ST3GAL3: variants seen among roughly 807,000 people sequenced by gnomAD.
The protein encoded by ST3GAL3 is CMP-N-acetylneuraminate-beta-1,4-galactoside alpha-2,3-sialyltransferase.
ST3GAL3 carries 21 observed loss-of-function variants against 50.1 expected under a neutral mutation model. That is an observed-to-expected ratio of 0.42 (90% confidence interval 0.30 to 0.60). The LOEUF (loss-of-function observed/expected upper bound fraction) is 0.60. ST3GAL3 is among the 20% of genes least tolerant of loss of function. ST3GAL3 has a pLI of 0.19. For missense variants in ST3GAL3, 353 were observed against 489.4 expected (o/e 0.72, Z 2.63); for synonymous variants, 183 against 190.0 (o/e 0.96, Z 0.30).
chr1:43,801,949 G>A (rs1439017386), intron 3 of ST3GAL3, among the ~76,000 whole-genome samples: 2 of 152,078 alleles, frequency 1.3e-5, no homozygotes, highest in Non-Finnish European at 2.9e-5. Context: ...GGGACGATCC[G>A]AGTTTGCACC....
intron 5 of ST3GAL3, among the ~76,000 whole-genome samples, chr1:43,843,370 GA>G (rs1390139561): frequency 6.6e-6 from 1 of 152,112 alleles, no homozygotes; most frequent in African/African-American, 2.4e-5. Context: ...TTAATATGAT[GA>G]ATTACATTGA....
At chr1:43,923,199 A>G (rs1356218094) in intron 11 of ST3GAL3, among the ~76,000 whole-genome samples, 1 of 150,604 alleles carries the variant, frequency 6.6e-6, no homozygotes, top group Non-Finnish European at 1.5e-5. Context: ...CCAGGAAGTC[A>G]AGGCTGCAGT....
chr1:43,790,997 T>C (rs1379111281), intron 2 of ST3GAL3, among the ~76,000 whole-genome samples: 1 of 152,166 alleles, frequency 6.6e-6, no homozygotes, highest in East Asian at 1.9e-4. Context: ...CAGTATTTGC[T>C]TTTATGTTTT....
At chr1:43,819,687 G>T (rs2061842875) in intron 4 of ST3GAL3, among the ~76,000 whole-genome samples, 1 of 152,112 alleles carries the variant, frequency 6.6e-6, no homozygotes, top group Non-Finnish European at 1.5e-5. Context: ...ATGGGTTTAT[G>T]GTGTGATGCT....
At chr1:43,856,375 C>T (rs1330335031) in intron 5 of ST3GAL3, among the ~76,000 whole-genome samples, 4 of 152,158 alleles carry the variant, frequency 2.6e-5, no homozygotes, top group African/African-American at 4.8e-5. Flanking sequence ...GGTAAGCTAA[C>T]GACTTGCTCA....
intron 1 of ST3GAL3, chr1:43,707,928 C>T (rs986464183): frequency 1.3e-5 from 2 of 152,386 alleles, no homozygotes; most frequent in Non-Finnish European, 2.9e-5. Flanking sequence ...GGGGAAAGGC[C>T]GGCCGGACGC....
intron 4 of ST3GAL3, among the ~76,000 whole-genome samples, chr1:43,834,102 A>G (rs2063930289): frequency 6.6e-6 from 1 of 152,140 alleles, no homozygotes; most frequent in African/African-American, 2.4e-5. Flanking sequence ...TGGAGGTTGC[A>G]GTGAGCCGAG....
intron 2 of ST3GAL3, among the ~76,000 whole-genome samples, chr1:43,766,975 G>A (rs1189553245): frequency 6.6e-6 from 1 of 152,214 alleles, no homozygotes; most frequent in African/African-American, 2.4e-5. Context: ...AAAGGGCTGG[G>A]AGAGTCTTGT....
intron 5 of ST3GAL3, among the ~76,000 whole-genome samples, chr1:43,875,971 A>G (rs866097758): frequency 2.6e-4 from 37 of 140,236 alleles, no homozygotes; most frequent in African/African-American, 8.6e-4. Context: ...TATTATTATT[A>G]TTATTATTAT....
At chr1:43,711,693 A>C (rs1175888190) in intron 1 of ST3GAL3, among the ~76,000 whole-genome samples, 1 of 152,246 alleles carries the variant, frequency 6.6e-6, no homozygotes, top group Non-Finnish European at 1.5e-5. Context: ...AAGGGTGTTG[A>C]TACAAGGGCA....
chr1:43,877,491 G>A (rs2074328078), intron 5 of ST3GAL3, among the ~76,000 whole-genome samples: 1 of 152,142 alleles, frequency 6.6e-6, no homozygotes, highest in African/African-American at 2.4e-5. Context: ...GCTCTTCATT[G>A]AAGAAAAGAC....
chr1:43,801,598 G>C, intron 3 of ST3GAL3: 2 of 293,776 alleles, frequency 6.8e-6, no homozygotes, highest in East Asian at 1.5e-4. Flanking sequence ...AGGACTTGGA[G>C]TTGTCTACAT....
chr1:43,794,789 T>C (rs78083643), intron 3 of ST3GAL3, among the ~76,000 whole-genome samples: 2,124 of 152,198 alleles, frequency 0.014, 18 homozygotes, highest in Non-Finnish European at 0.021. Context: ...TAAAGACATA[T>C]TGTTGGGTGA....
At chr1:43,821,367 C>T (rs1162126319) in intron 4 of ST3GAL3, among the ~76,000 whole-genome samples, 1 of 152,118 alleles carries the variant, frequency 6.6e-6, no homozygotes, top group Non-Finnish European at 1.5e-5. Context: ...AAAGAGCAGC[C>T]TCCTTTGCAG....
chr1:43,929,922 C>A, intron 11 of ST3GAL3: 2 of 705,156 alleles, frequency 2.8e-6, no homozygotes, highest in South Asian at 2.9e-5. Context: ...GTTCTTTTTT[C>A]CCTGTCTTGG....
intron 10 of ST3GAL3, 97 bp from the exon 11 acceptor site, chr1:43,920,685 G>A: frequency 6.2e-7 from 1 of 1,610,176 alleles, no homozygotes; most frequent in Non-Finnish European, 8.5e-7. Context: ...CCTTGGGCAT[G>A]GAGGCTAGCT....
At chr1:43,793,947 C>T (rs944645834) in intron 3 of ST3GAL3, among the ~76,000 whole-genome samples, 3 of 151,636 alleles carry the variant, frequency 2.0e-5, no homozygotes, top group Admixed American at 6.6e-5. Flanking sequence ...AGTAAGGGCA[C>T]GGTGGCGTGT....
intron 2 of ST3GAL3, among the ~76,000 whole-genome samples, chr1:43,778,517 A>G (rs1038644917): frequency 4.6e-5 from 7 of 152,126 alleles, no homozygotes; most frequent in Non-Finnish European, 8.8e-5. Flanking sequence ...CTTATCTTTC[A>G]TTCTAGATTA....
chr1:43,738,190 GAA>G (rs1391642886), intron 2 of ST3GAL3: 1 of 152,150 alleles, frequency 6.6e-6, no homozygotes, highest in East Asian at 1.9e-4. Flanking sequence ...GGGAAAGAGA[GAA>G]AGTTATCAAA....
Sources: gnomAD v4.1 joint callset for allele counts (sites outside exome capture counted in the v4.1 genomes callset) on GRCh38, gnomAD v4.1.1 for gene constraint, MANE v1.5 for transcripts, NCBI Gene and HGNC (gene_info 2026-07-23, HGNC 2026-07-21) for gene names.